The following HS3ST5 variants were observed in gnomAD, a reference collection of about 807,000 sequenced individuals.
HS3ST5 encodes heparan sulfate-glucosamine 3-sulfotransferase 5, also known as heparan sulfate glucosamine 3-O-sulfotransferase 5.
A neutral mutation model predicts 25.4 loss-of-function variants in HS3ST5; 10 were observed. The ratio of observed to expected loss-of-function variants is 0.39; its 90% CI spans 0.24 to 0.67. The LOEUF is 0.67. Among genes scored for constraint, HS3ST5 ranks in the 30% least tolerant of loss-of-function variants. The pLI is 0.44. For synonymous variants in HS3ST5, 170 were observed against 162.4 expected, an observed-to-expected ratio of 1.05 and a Z score of -0.36; for missense variants, 324 against 420.7, an observed-to-expected ratio of 0.77 and a Z score of 2.01.
intron 2 of HS3ST5, among the ~76,000 whole-genome samples, chr6:114,220,087 T>C (rs532403811): frequency 8.8e-4 from 134 of 152,176 alleles, no homozygotes; most frequent in African/African-American, 3.0e-3. Context: ...TTAAATTATA[T>C]TGGTTTAATA....
chr6:114,091,864 T>A (rs867611679), intron 3 of HS3ST5, among the ~76,000 whole-genome samples: 1 of 152,152 alleles, frequency 6.6e-6, no homozygotes, highest in African/African-American at 2.4e-5. Context: ...GGTCAGAGCA[T>A]AGCAGCCACA....
chr6:114,310,427 T>C (rs1387865217), intron 1 of HS3ST5, among the ~76,000 whole-genome samples: 3 of 152,160 alleles, frequency 2.0e-5, no homozygotes, highest in African/African-American at 7.2e-5. Context: ...AAATTCCTAT[T>C]AAAATGGCAT....
intron 2 of HS3ST5, among the ~76,000 whole-genome samples, chr6:114,189,658 C>A (rs1466018264): frequency 2.6e-5 from 4 of 151,762 alleles, no homozygotes; most frequent in African/African-American, 9.7e-5. Flanking sequence ...GCATATTTTT[C>A]TTTTGTTTTC....
At chr6:114,292,624 A>G (rs1774631217) in intron 1 of HS3ST5, among the ~76,000 whole-genome samples, 1 of 152,226 alleles carries the variant, frequency 6.6e-6, no homozygotes. Flanking sequence ...AGTCATTTTC[A>G]TAAGTACTGG....
chr6:114,328,772 T>G (rs1582819662), intron 1 of HS3ST5, among the ~76,000 whole-genome samples: 2 of 152,208 alleles, frequency 1.3e-5, no homozygotes, highest in African/African-American at 2.4e-5. Flanking sequence ...TAATCTATTT[T>G]AGGGAACTCT....
chr6:114,211,631 C>G (rs1026576825), intron 2 of HS3ST5, among the ~76,000 whole-genome samples: 3 of 152,106 alleles, frequency 2.0e-5, no homozygotes. Context: ...TTTACTAAGA[C>G]AAGCATTTAA....
intron 3 of HS3ST5, among the ~76,000 whole-genome samples, chr6:114,088,118 C>G (rs1774933614): frequency 6.6e-6 from 1 of 152,156 alleles, no homozygotes; most frequent in South Asian, 2.1e-4. Context: ...TTTCCCGTTT[C>G]TTTTTACTTT....
intron 1 of HS3ST5, among the ~76,000 whole-genome samples, chr6:114,242,682 T>A (rs1328064702): frequency 6.6e-6 from 1 of 151,732 alleles, no homozygotes. Flanking sequence ...TGAAACCCCA[T>A]CTCTACTAAA....
intron 3 of HS3ST5, among the ~76,000 whole-genome samples, chr6:114,074,258 C>T (rs779607537): frequency 6.7e-6 from 1 of 149,734 alleles, no homozygotes; most frequent in Non-Finnish European, 1.5e-5. Flanking sequence ...CAAACCTGCA[C>T]GTTATGCACA....
At position 114,173,500 on chromosome 6, in the gene HS3ST5, G is replaced by A. The variant is rs112976964; in HGVS notation, c.-144-5038C>T. Among the ~76,000 whole-genome samples, 50 of 152,168 alleles carry A rather than the reference G, an allele frequency of 3.3e-4. 1 individual carries two copies. Among genetic ancestry groups the A allele is most frequent in the African/African-American group, 1.1e-3 (47 of 41,518 alleles). ...AGTCAAAGAAATTTCTAATGAACTC[G>A]CCAAGGAATCTCAAGAAATTGAGCT... On this transcript the variant is annotated intron_variant, in intron 2 of 4. Transcript: ENST00000312719.
intron 1 of HS3ST5, among the ~76,000 whole-genome samples, chr6:114,307,230 G>A (rs182968400): frequency 2.2e-4 from 34 of 152,276 alleles, no homozygotes; most frequent in Admixed American, 7.8e-4. Flanking sequence ...GGGCAGGTTT[G>A]CTAGGACATC....
At chr6:114,326,319 G>C (rs1776173589) in intron 1 of HS3ST5, among the ~76,000 whole-genome samples, 1 of 152,154 alleles carries the variant, frequency 6.6e-6, no homozygotes, top group African/African-American at 2.4e-5. Context: ...GAACCTGGGA[G>C]ATGGAGTTTG....
chr6:114,321,090 T>C (rs1476529828), intron 1 of HS3ST5, among the ~76,000 whole-genome samples: 1 of 152,022 alleles, frequency 6.6e-6, no homozygotes, highest in Non-Finnish European at 1.5e-5. Context: ...ATGGATTTAA[T>C]TAATTTTGGC....
chr6:114,185,460 GA>G (rs1780176317), intron 2 of HS3ST5, among the ~76,000 whole-genome samples: 1 of 152,148 alleles, frequency 6.6e-6, no homozygotes, highest in Non-Finnish European at 1.5e-5. Context: ...TCAGCTTCCA[GA>G]AATGTGAGAA....
chr6:114,105,101 G>T (rs1248899831), intron 3 of HS3ST5, among the ~76,000 whole-genome samples: 1 of 152,004 alleles, frequency 6.6e-6, no homozygotes, highest in African/African-American at 2.4e-5. Flanking sequence ...TATTTGAGGC[G>T]GTTTTAAGGT....
intron 1 of HS3ST5, among the ~76,000 whole-genome samples, chr6:114,243,069 A>AT (rs1772214398): frequency 6.6e-6 from 1 of 152,126 alleles, no homozygotes; most frequent in Non-Finnish European, 1.5e-5. Flanking sequence ...AGGATGAGAG[A>AT]TATGTAGAGC....
intron 3 of HS3ST5, among the ~76,000 whole-genome samples, chr6:114,101,643 A>G (rs1775739162): frequency 6.6e-6 from 1 of 152,318 alleles, no homozygotes; most frequent in South Asian, 2.1e-4. Context: ...TAGTTTGGCA[A>G]TTTCTCAAAC....
At chr6:114,091,552 T>C (rs1328698041) in intron 3 of HS3ST5, among the ~76,000 whole-genome samples, 1 of 150,526 alleles carries the variant, frequency 6.6e-6, no homozygotes, top group East Asian at 1.9e-4. Flanking sequence ...GGCATCGTGG[T>C]GGGCACCTGT....
At chr6:114,170,834 A>G (rs1302025299) in intron 2 of HS3ST5, among the ~76,000 whole-genome samples, 1 of 152,178 alleles carries the variant, frequency 6.6e-6, no homozygotes, top group Non-Finnish European at 1.5e-5. Context: ...TTAAATGCTT[A>G]TATTTAATTT....
Sources: allele counts gnomAD v4.1 joint callset (sites outside exome capture counted in the v4.1 genomes callset), GRCh38; gene constraint gnomAD v4.1.1; transcripts MANE v1.5; gene names NCBI Gene and HGNC (gene_info 2026-07-23, HGNC 2026-07-21).